Variants in PMEPA1 observed in about 807,000 individuals in gnomAD.
The protein encoded by PMEPA1 is protein TMEPAI.
PMEPA1 carries 11 observed loss-of-function variants against 23.0 expected under a neutral mutation model. That is an observed-to-expected ratio of 0.48 (90% CI 0.30 to 0.79). The LOEUF (loss-of-function observed/expected upper bound fraction) is 0.79. Ranked by LOEUF, PMEPA1 falls within the 30% of genes least tolerant of loss-of-function variation. The pLI is 0.06. For synonymous variants in PMEPA1, 204 were observed against 166.4 expected, an observed-to-expected ratio of 1.23 and a Z score of -1.74; for missense variants, 377 against 390.9, an observed-to-expected ratio of 0.96 and a Z score of 0.30.
At chr20:57,672,378 G>A (rs186040658) in intron 1 of PMEPA1, among the ~76,000 whole-genome samples, 1 of 152,258 alleles carries the variant, frequency 6.6e-6, no homozygotes, top group Non-Finnish European at 1.5e-5. Context: ...GGCGGGCGGC[G>A]CCCAGGGGAG....
intron 1 of PMEPA1, among the ~76,000 whole-genome samples, chr20:57,706,008 G>A (rs1288001795): frequency 1.3e-5 from 2 of 152,214 alleles, no homozygotes; most frequent in Admixed American, 6.5e-5. Flanking sequence ...AGGGAAACCT[G>A]GGTGTCCTGT....
At chr20:57,690,345 C>T (rs1336318952) in intron 1 of PMEPA1, 7 of 1,016,952 alleles carry the variant, frequency 6.9e-6, no homozygotes, top group South Asian at 1.3e-5. Context: ...CCTGCATCAG[C>T]GCTACACATG....
At chr20:57,681,227 C>T (rs1296937286) in intron 1 of PMEPA1, among the ~76,000 whole-genome samples, 1 of 152,176 alleles carries the variant, frequency 6.6e-6, no homozygotes, top group Non-Finnish European at 1.5e-5. Flanking sequence ...ACGCTCCATC[C>T]ACTTGCATGG....
upstream of PMEPA1, chr20:57,710,648 C>G (rs2072167895): frequency 1.8e-6 from 1 of 552,322 alleles, no homozygotes; most frequent in Non-Finnish European, 3.1e-6. Flanking sequence ...GTATTGTCGC[C>G]GCCCCAGCCG....
rs1004566464 is a variant in PMEPA1 at position 57,655,491 on chromosome 20, G to C, written c.265-2405C>G. On this transcript the variant is annotated intron_variant, in intron 2 of 3. Coordinates refer to ENST00000341744, the MANE Select transcript of PMEPA1 (RefSeq NM_020182.5). This position sits in a 1 kb window ranked among gnomAD's most constrained non-coding sequence, Gnocchi z 4.2. ...GTGCTCAGGTTGCTACTTAAGTGCG[G>C]AAGTTGCTGGGTGACCCGTGCAAGT... is the stretch of plus-strand genomic sequence containing the variant. Among the ~76,000 whole-genome samples, 5 of 152,272 alleles carry C rather than the reference G, an allele frequency of 3.3e-5. No homozygotes were observed. The highest frequency in any genetic ancestry group is 9.6e-5 in the African/African-American group (4 of 41,466).
chr20:57,708,389 C>A (rs1179264622), intron 1 of PMEPA1, among the ~76,000 whole-genome samples: 1 of 152,160 alleles, frequency 6.6e-6, no homozygotes, highest in East Asian at 1.9e-4. Flanking sequence ...GAAGCCAGAA[C>A]CCGGGAGGTA....
At chr20:57,681,814 C>T (rs908334361) in intron 1 of PMEPA1, among the ~76,000 whole-genome samples, 5 of 152,138 alleles carry the variant, frequency 3.3e-5, no homozygotes, top group Admixed American at 6.5e-5. Flanking sequence ...ACATGGCCAC[C>T]ACACCTAGCT....
intron 2 of PMEPA1, among the ~76,000 whole-genome samples, chr20:57,658,309 G>A (rs138701551): frequency 4.1e-4 from 62 of 152,212 alleles, no homozygotes; most frequent in African/African-American, 1.4e-3. Context: ...TCACACTCCC[G>A]CGCCCACTTC....
intron 1 of PMEPA1, among the ~76,000 whole-genome samples, chr20:57,687,797 G>C (rs980728007): frequency 6.6e-6 from 1 of 152,174 alleles, no homozygotes; most frequent in Non-Finnish European, 1.5e-5. Flanking sequence ...TGTGCTACAG[G>C]GCCCTGCTCA....
intron 1 of PMEPA1, among the ~76,000 whole-genome samples, chr20:57,662,788 T>C (rs1334901811): frequency 6.8e-6 from 1 of 147,828 alleles, no homozygotes; most frequent in Non-Finnish European, 1.5e-5. Flanking sequence ...CCCAGCTGTC[T>C]CCAGGGGCCC....
At chr20:57,670,833 C>A (rs1348900251) in intron 1 of PMEPA1, among the ~76,000 whole-genome samples, 1 of 152,174 alleles carries the variant, frequency 6.6e-6, no homozygotes, top group East Asian at 1.9e-4. Flanking sequence ...CCAGAGAGAA[C>A]TGTGCAGAAC....
intron 2 of PMEPA1, among the ~76,000 whole-genome samples, chr20:57,653,395 C>T (rs753973345): frequency 6.6e-6 from 1 of 152,232 alleles, no homozygotes; most frequent in Non-Finnish European, 1.5e-5. Context: ...TCCCGTGGGC[C>T]TCAGTGGCTT....
intron 1 of PMEPA1, chr20:57,690,541 A>G: frequency 1.5e-6 from 2 of 1,293,188 alleles, no homozygotes; most frequent in South Asian, 2.5e-5. Flanking sequence ...AGAAGGATTA[A>G]TTAACTGTAG....
intron 1 of PMEPA1, among the ~76,000 whole-genome samples, chr20:57,670,363 G>A (rs985131972): frequency 6.6e-6 from 1 of 152,144 alleles, no homozygotes; most frequent in Middle Eastern, 3.2e-3. Flanking sequence ...GGTTCTGAGT[G>A]TGCTGTCTCA....
At chr20:57,711,270 G>A (rs1026135178), upstream of PMEPA1, 1 of 152,266 alleles carries the variant, frequency 6.6e-6, no homozygotes, top group African/African-American at 2.4e-5. Flanking sequence ...AGTTTGGATA[G>A]AGAAGGAAAA....
Position 57,656,016 on chromosome 20 carries a change from C to T in PMEPA1, c.265-2930G>A, listed in dbSNP as rs1263367033. On this transcript the variant is annotated intron_variant, in intron 2 of 3. Coordinates refer to ENST00000341744, the MANE Select transcript of PMEPA1 (RefSeq NM_020182.5). This position sits in a 1 kb window ranked among gnomAD's most constrained non-coding sequence, Gnocchi z 4.7. ...GACGCTCAGGCAGCTCCTCCCAGAC[C>T]CCTCCAGAGTCTTAACACCACGAGG... is the stretch of plus-strand genomic sequence containing the variant. Among the ~76,000 whole-genome samples, 1 of 152,044 alleles carries T rather than the reference C, an allele frequency of 6.6e-6. No individual in the cohort carries two copies. Among genetic ancestry groups the T allele is most frequent in the Non-Finnish European group, 1.5e-5 (1 of 67,992 alleles).
At chr20:57,679,032 C>G (rs1012849316) in intron 1 of PMEPA1, among the ~76,000 whole-genome samples, 2 of 152,192 alleles carry the variant, frequency 1.3e-5, no homozygotes, top group Non-Finnish European at 2.9e-5. Flanking sequence ...CTGAACAACA[C>G]GAGTGTTTTT....
intron 1 of PMEPA1, among the ~76,000 whole-genome samples, chr20:57,672,796 C>T (rs988090422): frequency 2.0e-5 from 3 of 152,142 alleles, no homozygotes; most frequent in Non-Finnish European, 2.9e-5. Context: ...AGTAGCTTAG[C>T]GGTTAAAAGG....
chr20:57,666,481 T>G (rs1309703557), intron 1 of PMEPA1, among the ~76,000 whole-genome samples: 1 of 152,114 alleles, frequency 6.6e-6, no homozygotes, highest in African/African-American at 2.4e-5. Context: ...GACCGCACAG[T>G]CCAAGGCTCA....
Sources: allele counts gnomAD v4.1 joint callset (sites outside exome capture counted in the v4.1 genomes callset), GRCh38; gene constraint gnomAD v4.1.1; non-coding constraint Gnocchi (gnomAD v3.1); transcripts MANE v1.5; gene names NCBI Gene and HGNC (gene_info 2026-07-23, HGNC 2026-07-21).